The following PCDHGB5 variants were observed in gnomAD, a reference collection of about 807,000 sequenced individuals.
PCDHGB5 encodes protocadherin gamma subfamily B, 5.
A neutral mutation model predicts 62.9 loss-of-function variants in PCDHGB5; 48 were observed. That is an observed-to-expected ratio of 0.76 (90% CI 0.61 to 0.97). PCDHGB5 has a LOEUF of 0.97. Ranked by LOEUF, PCDHGB5 falls within the 50% of genes least tolerant of loss-of-function variation. PCDHGB5 has a pLI of 0.00. For synonymous variants in PCDHGB5, 474 were observed against 511.2 expected, an observed-to-expected ratio of 0.93 and a Z score of 0.98; for missense variants, 1,118 against 1,198.6, an observed-to-expected ratio of 0.93 and a Z score of 0.99.
chr5:141,497,062 A>C (rs779414748), intron 2 of PCDHGB5, among the ~76,000 whole-genome samples: 6 of 152,024 alleles, frequency 3.9e-5, no homozygotes, highest in Non-Finnish European at 7.4e-5. Flanking sequence ...GGTGGCAGGC[A>C]CCTGTAATCC....
chr5:141,408,660 C>A, intron 1 of PCDHGB5: 3 of 1,613,980 alleles, frequency 1.9e-6, no homozygotes, highest in Non-Finnish European at 1.7e-6. Flanking sequence ...ACACGACTAT[C>A]GCTTGACCCT....
intron 1 of PCDHGB5, chr5:141,478,018 C>T: frequency 1.9e-6 from 3 of 1,614,124 alleles, no homozygotes; most frequent in Non-Finnish European, 2.5e-6. Context: ...CCCGTCCAGT[C>T]CAAGACACAG....
intron 1 of PCDHGB5, chr5:141,484,853 G>T (rs747582810): frequency 2.5e-4 from 64 of 251,466 alleles, no homozygotes; most frequent in Non-Finnish European, 4.3e-4. Flanking sequence ...GGGTTTTTTG[G>T]GGGGTGGGGG....
rs771124496 is a variant in PCDHGB5, at chr5:141,489,457, C to T, written c.2398-5350C>T. The T allele has an allele frequency of 1.2e-5, 19 of 1,613,882 alleles. No homozygotes were observed. The highest frequency in any genetic ancestry group is 6.7e-5 in the African/African-American group (5 of 74,896). Reference sequence around the variant, plus strand: ...GCAATTGGGCTCTGAGGAGAATGGGCGCTATTTTTCCCTGAGCTTGATGAG... The same window carrying T: ...GCAATTGGGCTCTGAGGAGAATGGGTGCTATTTTTCCCTGAGCTTGATGAG... On this transcript the variant is annotated intron_variant, in intron 1 of 3. Coordinates refer to ENST00000617380, the MANE Select transcript of PCDHGB5 (RefSeq NM_018925.3). The surrounding 1 kb of genome is among the most constrained non-coding windows in gnomAD (Gnocchi z 4.5).
Position 141,477,403 on chromosome 5 carries a change from C to T in PCDHGB5, c.2398-17404C>T, listed in dbSNP as rs1329599078. 2 of 1,614,164 alleles carry T rather than the reference C, an allele frequency of 1.2e-6. No individual in the cohort carries two copies. Among genetic ancestry groups the T allele is most frequent in the Non-Finnish European group, 1.7e-6 (2 of 1,180,042 alleles). ...CAGAATACAACCTCAGCATCACCGC[C>T]CGAGACGCCGGAACCCCTTCCCTCT... is the stretch of plus-strand genomic sequence containing the variant. On this transcript the variant is annotated intron_variant, in intron 1 of 3. Transcript: ENST00000617380. The surrounding 1 kb of genome is among the most constrained non-coding windows in gnomAD (Gnocchi z 4.9).
intron 1 of PCDHGB5, chr5:141,405,042 T>C (rs765018710): frequency 1.2e-6 from 2 of 1,613,144 alleles, no homozygotes; most frequent in South Asian, 1.1e-5. Flanking sequence ...GTTGTGGCTG[T>C]GGCAGTCGTC....
At position 141,414,140 on chromosome 5, in the gene PCDHGB5, A is replaced by G. The variant is rs764980296; in HGVS notation, c.2397+13616A>G. ...GAAGAAACCGGTTTCTATGAAATAG[A>G]AATACAAGCAGAAGATGGAGGAGCA... On this transcript the variant is annotated intron_variant, in intron 1 of 3. Transcript: ENST00000617380. 4 of 1,596,912 alleles carry G rather than the reference A, an allele frequency of 2.5e-6. No individual in the cohort carries two copies. In the African/African-American group the frequency reaches 5.4e-5, roughly 21 times the overall value.
chr5:141,415,269 G>T, intron 1 of PCDHGB5: 1 of 1,614,228 alleles, frequency 6.2e-7, no homozygotes, highest in African/African-American at 1.3e-5. Flanking sequence ...TGTACCTGGT[G>T]GTAGCGGTGG....
rs2099619316 is a variant in PCDHGB5, at chr5:141,485,794, C to A, written c.2398-9013C>A. The A allele has an allele frequency of 6.2e-7, 1 of 1,614,120 alleles. No homozygotes were observed. The highest frequency in any genetic ancestry group is 1.1e-5 in the South Asian group (1 of 91,092). On this transcript the variant is annotated intron_variant, in intron 1 of 3. Transcript: ENST00000617380. This position sits in a 1 kb window ranked among gnomAD's most constrained non-coding sequence, Gnocchi z 5.7. ...CTTTGGATCGAGAGAAGCAATCGGA[C>A]TACCGCCTGGTGCTGACTGCTGTCG...
At chr5:141,482,033 C>G (rs1185284483) in intron 1 of PCDHGB5, among the ~76,000 whole-genome samples, 1 of 149,194 alleles carries the variant, frequency 6.7e-6, no homozygotes, top group African/African-American at 2.5e-5. Flanking sequence ...TGCAGTGAGC[C>G]AAGATCATGC....
intron 1 of PCDHGB5, 40 bp downstream of exon 1, chr5:141,400,564 C>G (rs532914635): frequency 1.9e-6 from 3 of 1,612,936 alleles, no homozygotes; most frequent in Admixed American, 1.7e-5. Flanking sequence ...ATTACCCACC[C>G]AATTTTCTGT....
chr5:141,409,171 C>G, intron 1 of PCDHGB5: 1 of 1,613,962 alleles, frequency 6.2e-7, no homozygotes, highest in South Asian at 1.1e-5. Flanking sequence ...AAGCGAAGGA[C>G]GGAGGTGGTC....
rs1562144438 is a variant in PCDHGB5, at chr5:141,491,135, G to T, written c.2398-3672G>T. The T allele has an allele frequency of 6.2e-7, 1 of 1,613,986 alleles. No individual in the cohort carries two copies. Among genetic ancestry groups the T allele is most frequent in the Non-Finnish European group, 8.5e-7 (1 of 1,180,000 alleles). On this transcript the variant is annotated intron_variant, in intron 1 of 3. Transcript: ENST00000617380. This position sits in a 1 kb window ranked among gnomAD's most constrained non-coding sequence, Gnocchi z 6.9. ...CACACTGGTGAGGTGCGCACAGCCC[G>T]GGCCTTACTGGAGGATGACTCTGAC...
At chr5:141,416,576 A>C (rs1300203182) in intron 1 of PCDHGB5, 2 of 152,204 alleles carry the variant, frequency 1.3e-5, no homozygotes, top group Non-Finnish European at 2.9e-5. Flanking sequence ...TGAAATTGAG[A>C]GGCAAAATAA....
Position 141,489,829 on chromosome 5 carries a change from G to T in PCDHGB5, c.2398-4978G>T, listed in dbSNP as rs1445416879. 6.2e-7 allele frequency: 1 copy of T among 1,614,076 alleles called. No individual in the cohort carries two copies. Among genetic ancestry groups the T allele is most frequent in the South Asian group, 1.1e-5 (1 of 91,070 alleles). ...GAAGCCATTCCCAGAGCTGGTGCTA[G>T]AGCAGCAGCTGGATCGTGAAGCCCA... On this transcript the variant is annotated intron_variant, in intron 1 of 3. Coordinates refer to ENST00000617380, the MANE Select transcript of PCDHGB5 (RefSeq NM_018925.3). The surrounding 1 kb of genome is among the most constrained non-coding windows in gnomAD (Gnocchi z 4.5).
chr5:141,486,578 C>A lies in PCDHGB5; in HGVS notation c.2398-8229C>A, dbSNP rs780578882. 5 of 1,613,610 alleles carry A rather than the reference C, an allele frequency of 3.1e-6. No homozygotes were observed. In the Admixed American group the frequency reaches 6.7e-5, roughly 22 times the overall value. On this transcript the variant is annotated intron_variant, in intron 1 of 3. Coordinates refer to ENST00000617380, the MANE Select transcript of PCDHGB5 (RefSeq NM_018925.3). The surrounding 1 kb of genome is among the most constrained non-coding windows in gnomAD (Gnocchi z 5.0). Reference sequence around the variant, plus strand: ...TGAGGTGTTTGTTCCTGAGAACAATCGCCCAGGGGACCTGCTTTGCTCCCT... The same window carrying A: ...TGAGGTGTTTGTTCCTGAGAACAATAGCCCAGGGGACCTGCTTTGCTCCCT...
At chr5:141,427,515 G>A (rs753526003) in intron 1 of PCDHGB5, 16 of 596,944 alleles carry the variant, frequency 2.7e-5, no homozygotes, top group African/African-American at 2.2e-4. Context: ...CCTGGATTGG[G>A]AGCGGATCCC....
At chr5:141,423,384 C>G (rs1196881147) in intron 1 of PCDHGB5, 1 of 1,614,054 alleles carries the variant, frequency 6.2e-7, no homozygotes, top group Non-Finnish European at 8.5e-7. Context: ...GGCTGTGGCG[C>G]TGGCATAAGT....
rs150249178 is a variant in PCDHGB5 at position 141,432,742 on chromosome 5, C to A, written c.2397+32218C>A. 154 of 1,614,076 alleles carry A rather than the reference C, an allele frequency of 9.5e-5. No individual in the cohort carries two copies. In the Middle Eastern group the frequency reaches 1.3e-3, roughly 14 times the overall value. On this transcript the variant is annotated intron_variant, in intron 1 of 3. Transcript: ENST00000617380. This position sits in a 1 kb window ranked among gnomAD's most constrained non-coding sequence, Gnocchi z 6.0. ...CTCTCTCCGCCACTGTCACGCTCAC[C>A]GTGGCCGTGGCCGACAGCATCCCCC... is the stretch of plus-strand genomic sequence containing the variant.
Sources: allele counts gnomAD v4.1 joint callset (sites outside exome capture counted in the v4.1 genomes callset), GRCh38; gene constraint gnomAD v4.1.1; non-coding constraint Gnocchi (gnomAD v3.1); transcripts MANE v1.5; gene names NCBI Gene and HGNC (gene_info 2026-07-23, HGNC 2026-07-21).